SOX6: variants seen among roughly 807,000 people sequenced by gnomAD.
SOX6 encodes the protein transcription factor SOX-6.
In SOX6, 11 loss-of-function variants were observed where a neutral mutation model predicts 97.8. That is an observed-to-expected ratio of 0.11 (90% CI 0.07 to 0.19). The LOEUF (loss-of-function observed/expected upper bound fraction) is 0.19. SOX6 is among the 10% of genes least tolerant of loss of function. The pLI is 1.00. For synonymous variants in SOX6, 360 were observed against 371.4 expected (o/e 0.97, Z 0.35); for missense variants, 810 against 1,039.5 (o/e 0.78, Z 3.04).
At chr11:16,186,654 TCC>T in intron 5 of SOX6, 127 bp downstream of exon 5, 5 of 1,167,362 alleles carry the variant, frequency 4.3e-6, no homozygotes, top group Non-Finnish European at 3.6e-6. Context: ...GTTTTTTTTT[TCC>T]ATCTTTTCTT....
chr11:16,146,330 A>G (rs1055821769), intron 6 of SOX6, among the ~76,000 whole-genome samples: 21 of 152,346 alleles, frequency 1.4e-4, no homozygotes, highest in Admixed American at 1.2e-3. Context: ...TCCCTTCCTT[A>G]CACCTTATAC....
rs570762439 is a variant in SOX6 at position 16,322,257 on chromosome 11, G to A, written c.238-3604C>T. 4.6e-5 allele frequency among the ~76,000 whole-genome samples: 7 copies of A among 152,208 alleles called. No individual in the cohort carries two copies. The East Asian group carries it at 1.4e-3, about 29-fold the overall frequency. ...GCTTGGTGGGTGGTGATTAAATCAT[G>A]GAGGCAGACTTTCCCCTTGCTTATG... On this transcript the variant is annotated intron_variant, in intron 2 of 15. Coordinates refer to ENST00000683767, the MANE Select transcript of SOX6 (RefSeq NM_001367873.1).
intron 1 of SOX6, among the ~76,000 whole-genome samples, chr11:16,469,666 A>G (rs556313404): frequency 1.3e-5 from 2 of 152,244 alleles, no homozygotes; most frequent in East Asian, 1.9e-4. Flanking sequence ...GTCCTTAAAC[A>G]CAGTCAGTGA....
At chr11:16,576,457 A>G (rs1158045279) in intron 4 of SOX6, among the ~76,000 whole-genome samples, 1 of 152,160 alleles carries the variant, frequency 6.6e-6, no homozygotes, top group Non-Finnish European at 1.5e-5. Context: ...TCAAAAACAC[A>G]TGTTGTCATA....
At chr11:16,061,783 T>C (rs898991154) in intron 9 of SOX6, among the ~76,000 whole-genome samples, 2 of 151,492 alleles carry the variant, frequency 1.3e-5, no homozygotes, top group South Asian at 2.1e-4. Flanking sequence ...GATAAGAACA[T>C]GTATTGGCAA....
At chr11:16,076,030 G>C (rs1444926421) in intron 9 of SOX6, among the ~76,000 whole-genome samples, 1 of 151,984 alleles carries the variant, frequency 6.6e-6, no homozygotes, top group Non-Finnish European at 1.5e-5. Context: ...TTTAGGTGGG[G>C]ACACAGCCAA....
At chr11:16,287,307 C>CAT (rs1854783209) in intron 3 of SOX6, among the ~76,000 whole-genome samples, 2 of 150,200 alleles carry the variant, frequency 1.3e-5, no homozygotes, top group Non-Finnish European at 3.0e-5. Context: ...CTCACACACA[C>CAT]ACACACACAC....
rs1855547716 is a variant in SOX6, at chr11:16,309,876, T to C, written c.445+8570A>G. Among the ~76,000 whole-genome samples the C allele has an allele frequency of 3.3e-5, 5 of 152,076 alleles. No individual in the cohort carries two copies. In the South Asian group the frequency reaches 1.0e-3, roughly 32 times the overall value. ...ATAGAAAAATGCAAAATGCTAATGA[T>C]CCACTCAACCTCCACAAGCTCAAAA... On this transcript the variant is annotated intron_variant, in intron 3 of 15. Transcript: ENST00000683767.
At chr11:16,080,311 A>T (rs1590183051) in intron 9 of SOX6, among the ~76,000 whole-genome samples, 1 of 151,814 alleles carries the variant, frequency 6.6e-6, no homozygotes, top group East Asian at 1.9e-4. Context: ...ATGAGGTCTT[A>T]CAAGTTTCTA....
intron 12 of SOX6, among the ~76,000 whole-genome samples, chr11:16,034,159 T>TA (rs1242949921): frequency 6.6e-6 from 1 of 152,140 alleles, no homozygotes; most frequent in Non-Finnish European, 1.5e-5. Context: ...TTTCTTTTCT[T>TA]AAAAAATTAT....
chr11:16,237,354 T>G (rs541952133), intron 3 of SOX6, among the ~76,000 whole-genome samples: 2 of 152,166 alleles, frequency 1.3e-5, no homozygotes, highest in South Asian at 4.1e-4. Flanking sequence ...GGTTCCTGAT[T>G]TGAAATGAGA....
intron 3 of SOX6, among the ~76,000 whole-genome samples, chr11:16,685,209 T>A (rs1273430437): frequency 6.6e-6 from 1 of 151,844 alleles, no homozygotes; most frequent in Non-Finnish European, 1.5e-5. Flanking sequence ...TGCAAAAAAA[T>A]AAAAATAAAT....
chr11:16,115,846 G>A (rs1849335017), intron 6 of SOX6, among the ~76,000 whole-genome samples: 1 of 152,178 alleles, frequency 6.6e-6, no homozygotes, highest in Non-Finnish European at 1.5e-5. Flanking sequence ...TATTGCTGGA[G>A]TTTGGATACT....
chr11:16,552,083 A>G (rs772193816), intron 4 of SOX6, among the ~76,000 whole-genome samples: 3 of 144,420 alleles, frequency 2.1e-5, no homozygotes, highest in Admixed American at 6.9e-5. Flanking sequence ...TGAAACCCAA[A>G]TATTGTATAT....
At chr11:16,295,302 A>C (rs1332080691) in intron 3 of SOX6, among the ~76,000 whole-genome samples, 1 of 152,082 alleles carries the variant, frequency 6.6e-6, no homozygotes, top group Non-Finnish European at 1.5e-5. Flanking sequence ...TATTTTTGAC[A>C]AATACCAGTA....
intron 4 of SOX6, among the ~76,000 whole-genome samples, chr11:16,584,837 G>A (rs1848074938): frequency 6.6e-6 from 1 of 152,170 alleles, no homozygotes; most frequent in Non-Finnish European, 1.5e-5. Context: ...GCAATCACTG[G>A]CCAAGCCAGG....
intron 4 of SOX6, chr11:16,484,034 G>T (rs1860390699): frequency 2.5e-6 from 2 of 800,266 alleles, no homozygotes; most frequent in Non-Finnish European, 4.5e-6. Flanking sequence ...CCCAGGGCCT[G>T]TCGGGAGAGC....
chr11:16,169,481 GA>G (rs1467793393), intron 6 of SOX6, among the ~76,000 whole-genome samples: 1 of 151,992 alleles, frequency 6.6e-6, no homozygotes, highest in African/African-American at 2.4e-5. Context: ...AGTTGAAAGG[GA>G]AAATGATCAA....
intron 4 of SOX6, among the ~76,000 whole-genome samples, chr11:16,528,297 T>C (rs1285516613): frequency 1.3e-5 from 2 of 152,164 alleles, no homozygotes; most frequent in Non-Finnish European, 2.9e-5. Flanking sequence ...ATCATTGTTG[T>C]AGCTGTGTTT....
Sources: allele counts gnomAD v4.1 joint callset (sites outside exome capture counted in the v4.1 genomes callset), GRCh38; gene constraint gnomAD v4.1.1; transcripts MANE v1.5; gene names NCBI Gene and HGNC (gene_info 2026-07-23, HGNC 2026-07-21).